Variants in GNPAT observed in about 807,000 individuals in gnomAD.
GNPAT encodes glyceronephosphate O-acyltransferase, also known as dihydroxyacetone phosphate acyltransferase.
Under a neutral mutation model 78.4 loss-of-function variants are expected in GNPAT, and 30 were observed. The ratio of observed to expected loss-of-function variants is 0.38; its 90% CI spans 0.29 to 0.52. The LOEUF is 0.52. GNPAT is among the 20% of genes least tolerant of loss of function. The pLI is 0.84. For synonymous variants in GNPAT, 271 were observed against 281.1 expected, an observed-to-expected ratio of 0.96 and a Z score of 0.36; for missense variants, 714 against 812.2, an observed-to-expected ratio of 0.88 and a Z score of 1.47.
intron 15 of GNPAT, 94 bp downstream of exon 15, chr1:231,276,290 A>G (rs1261949362): frequency 4.2e-6 from 3 of 716,062 alleles, no homozygotes. Context: ...TATCAAAATG[A>G]TCAGTAAGTA....
At chr1:231,257,428 A>C (rs953560226) in intron 2 of GNPAT, among the ~76,000 whole-genome samples, 1 of 151,848 alleles carries the variant, frequency 6.6e-6, no homozygotes, top group South Asian at 2.1e-4. Flanking sequence ...GTTACCATGG[A>C]TCTCCAACGG....
chr1:231,260,980 G>A (rs180787976), intron 3 of GNPAT, among the ~76,000 whole-genome samples: 223 of 152,226 alleles, frequency 1.5e-3, no homozygotes, highest in African/African-American at 4.5e-3. Flanking sequence ...ATTCAGTAAC[G>A]TTACAAAAGA....
At position 231,275,198 on chromosome 1, in the gene GNPAT, C is replaced by T. The variant is rs1170653239; in HGVS notation, c.1744-23C>T. ...CTATCCTTTTTCTCTTTCTGTTCCC[C>T]TCATCCTTCCTCTTAAAATCAGATA... On this transcript the variant is annotated intron_variant, in intron 12 of 15. Coordinates refer to ENST00000366647, the MANE Select transcript of GNPAT (RefSeq NM_014236.4). The T allele has an allele frequency of 5.1e-6, 7 of 1,376,814 alleles. No homozygotes were observed. The East Asian group carries it at 1.6e-4, about 31-fold the overall frequency. 85.3% of individuals were successfully genotyped at this position (1,376,814 alleles called of 1,614,324 possible).
At chr1:231,254,743 C>T (rs1038712581) in intron 2 of GNPAT, among the ~76,000 whole-genome samples, 15 of 151,332 alleles carry the variant, frequency 9.9e-5, no homozygotes, top group African/African-American at 2.9e-4. Context: ...CCATTGCGTC[C>T]GGCCGAAAAA....
At chr1:231,254,739 C>T (rs532277224) in intron 2 of GNPAT, among the ~76,000 whole-genome samples, 8 of 151,568 alleles carry the variant, frequency 5.3e-5, no homozygotes, top group African/African-American at 1.7e-4. Context: ...TGAGCCATTG[C>T]GTCCGGCCGA....
intron 2 of GNPAT, among the ~76,000 whole-genome samples, chr1:231,259,596 G>A (rs888621932): frequency 2.7e-5 from 4 of 147,052 alleles, no homozygotes; most frequent in South Asian, 2.1e-4. Flanking sequence ...GCGGTGAGCC[G>A]AGATTGCACC....
intron 2 of GNPAT, among the ~76,000 whole-genome samples, chr1:231,253,586 A>G (rs1684961011): frequency 6.6e-6 from 1 of 151,972 alleles, no homozygotes; most frequent in Admixed American, 6.6e-5. Context: ...CTTTGTTTTT[A>G]TTGGCCTTAC....
chr1:231,267,391 G>C (rs1685419345), intron 8 of GNPAT, among the ~76,000 whole-genome samples: 1 of 152,188 alleles, frequency 6.6e-6, no homozygotes, highest in Non-Finnish European at 1.5e-5. Context: ...TCCATTCTCA[G>C]AGAAACGATG....
chr1:231,259,440 G>T (rs929576965), intron 2 of GNPAT, among the ~76,000 whole-genome samples: 2 of 152,050 alleles, frequency 1.3e-5, no homozygotes, highest in African/African-American at 2.4e-5. Flanking sequence ...CTGAGGTCGG[G>T]AGTTCAAGAC....
chr1:231,256,065 C>T (rs1345885834), intron 2 of GNPAT, among the ~76,000 whole-genome samples: 1 of 152,126 alleles, frequency 6.6e-6, no homozygotes, highest in Non-Finnish European at 1.5e-5. Flanking sequence ...TTATTCTACC[C>T]AGTCACTGGG....
intron 9 of GNPAT, 78 bp downstream of exon 9, chr1:231,267,981 G>C: frequency 1.1e-6 from 1 of 900,502 alleles, no homozygotes; most frequent in Non-Finnish European, 1.8e-6. Flanking sequence ...AAAATCTATA[G>C]AGGACTTGAG....
intron 9 of GNPAT, among the ~76,000 whole-genome samples, chr1:231,270,224 G>C (rs886942532): frequency 6.6e-6 from 1 of 152,240 alleles, no homozygotes; most frequent in Non-Finnish European, 1.5e-5. Flanking sequence ...AACTGCCATG[G>C]AGCTGCCCCT....
chr1:231,249,572 G>A (rs1183017832), intron 1 of GNPAT, among the ~76,000 whole-genome samples: 5 of 152,172 alleles, frequency 3.3e-5, no homozygotes, highest in Non-Finnish European at 7.3e-5. Flanking sequence ...ATTTTAGTAG[G>A]GAGACAGACA....
intron 2 of GNPAT, among the ~76,000 whole-genome samples, chr1:231,255,071 A>C (rs890973143): frequency 1.3e-5 from 2 of 152,046 alleles, no homozygotes; most frequent in Non-Finnish European, 2.9e-5. Flanking sequence ...AATTTAAACT[A>C]TTGTTAGTGC....
At chr1:231,253,936 C>G (rs1684968929) in intron 2 of GNPAT, among the ~76,000 whole-genome samples, 1 of 152,156 alleles carries the variant, frequency 6.6e-6, no homozygotes, top group South Asian at 2.1e-4. Flanking sequence ...CATCTCTCTC[C>G]CGAGTAGCTG....
chr1:231,259,677 G>A (rs1030337730), intron 2 of GNPAT, among the ~76,000 whole-genome samples: 1 of 150,802 alleles, frequency 6.6e-6, no homozygotes, highest in African/African-American at 2.4e-5. Context: ...TAATTTTATA[G>A]TGTGTGAATT....
At chr1:231,258,539 A>C (rs1343031169) in intron 2 of GNPAT, among the ~76,000 whole-genome samples, 6 of 151,512 alleles carry the variant, frequency 4.0e-5, no homozygotes. Context: ...GTCTATAAAC[A>C]GGTCCGAGGC....
At chr1:231,274,909 C>A (rs1685668416) in intron 12 of GNPAT, 2 of 304,390 alleles carry the variant, frequency 6.6e-6, no homozygotes, top group East Asian at 8.4e-5. Context: ...AAAATCTGAC[C>A]CCTCTCTTCC....
intron 4 of GNPAT, among the ~76,000 whole-genome samples, chr1:231,263,230 A>C (rs1021213462): frequency 2.0e-4 from 31 of 152,176 alleles, no homozygotes; most frequent in Non-Finnish European, 1.5e-5. Context: ...CAAATTTGCC[A>C]TCTAAGTCAT....
Sources: gnomAD v4.1 joint callset for allele counts (sites outside exome capture counted in the v4.1 genomes callset) on GRCh38, gnomAD v4.1.1 for gene constraint, MANE v1.5 for transcripts, NCBI Gene and HGNC (gene_info 2026-07-23, HGNC 2026-07-21) for gene names.